The following SPAST variants were observed in gnomAD, a reference collection of about 807,000 sequenced individuals.
The protein encoded by SPAST is spastic paraplegia 4 (autosomal dominant; spastin).
SPAST carries 30 observed loss-of-function variants against 76.6 expected under a neutral mutation model. The observed-to-expected ratio is 0.39, with a 90% confidence interval of 0.29 to 0.53. The LOEUF is 0.53. Ranked by LOEUF, SPAST falls within the 20% of genes least tolerant of loss-of-function variation. The probability of loss-of-function intolerance (pLI) is 0.68; values close to 1 mark genes in which losing one functional copy is unlikely to be tolerated. For synonymous variants in SPAST, 305 were observed against 281.0 expected, an observed-to-expected ratio of 1.09 and a Z score of -0.86; for missense variants, 717 against 770.5, an observed-to-expected ratio of 0.93 and a Z score of 0.82.
At chr2:32,153,935 G>A (rs1293287389) in intron 16 of SPAST, among the ~76,000 whole-genome samples, 2 of 152,072 alleles carry the variant, frequency 1.3e-5, no homozygotes, top group African/African-American at 4.8e-5. Context: ...AAATTAGCTG[G>A]GCATGGAGGC....
At position 32,103,631 on chromosome 2, in the gene SPAST, A is replaced by G. The variant is rs138699954; in HGVS notation, c.682+4740A>G. ...TGCTATAAATTTCCCTCTACACACTACTTTAAATGTGTCCCAAAGATTCTG... is the reference window on the plus strand; with the variant it reads ...TGCTATAAATTTCCCTCTACACACTGCTTTAAATGTGTCCCAAAGATTCTG... On this transcript the variant is annotated intron_variant, in intron 4 of 16. Transcript: ENST00000315285. Among the ~76,000 whole-genome samples, 570 of 151,850 alleles carry G rather than the reference A, an allele frequency of 3.8e-3. 5 individuals are homozygous for G. Among genetic ancestry groups the G allele is most frequent in the African/African-American group, 0.014 (560 of 41,468 alleles).
chr2:32,119,564 T>C (rs1678949226), intron 7 of SPAST, among the ~76,000 whole-genome samples: 1 of 152,238 alleles, frequency 6.6e-6, no homozygotes, highest in Admixed American at 6.5e-5. Flanking sequence ...TAAATCTTGC[T>C]CATTCATGAA....
intron 1 of SPAST, among the ~76,000 whole-genome samples, chr2:32,069,205 T>C (rs1676648232): frequency 1.4e-5 from 2 of 143,402 alleles, no homozygotes; most frequent in Non-Finnish European, 3.0e-5. Context: ...AGAGCAAGAC[T>C]CCATCTCTCA....
chr2:32,149,900 C>T (rs1680018417), intron 16 of SPAST, among the ~76,000 whole-genome samples: 2 of 151,854 alleles, frequency 1.3e-5, no homozygotes, highest in Non-Finnish European at 2.9e-5. Flanking sequence ...TTTTATTTCC[C>T]TAATTGCAGC....
intron 1 of SPAST, among the ~76,000 whole-genome samples, chr2:32,075,896 C>CTTT (rs1209272322): frequency 5.7e-3 from 462 of 81,648 alleles, no homozygotes; most frequent in African/African-American, 8.5e-3. Context: ...TCAAAATGCT[C>CTTT]TTTTTTTTTT....
intron 1 of SPAST, among the ~76,000 whole-genome samples, chr2:32,065,197 T>G (rs771322969): frequency 5.9e-5 from 9 of 152,016 alleles, no homozygotes; most frequent in Non-Finnish European, 1.2e-4. Flanking sequence ...TTTTTGTATT[T>G]TTAGTAGAGT....
intron 1 of SPAST, among the ~76,000 whole-genome samples, chr2:32,082,979 A>T (rs1033705819): frequency 2.0e-5 from 3 of 149,286 alleles, no homozygotes; most frequent in South Asian, 2.1e-4. Context: ...TAATTAATTA[A>T]TTTTTTTTTT....
intron 7 of SPAST, among the ~76,000 whole-genome samples, chr2:32,124,715 A>G (rs1339180899): frequency 6.6e-6 from 1 of 152,230 alleles, no homozygotes; most frequent in Non-Finnish European, 1.5e-5. Flanking sequence ...CAGCAATAAA[A>G]AGAAATGATC....
chr2:32,128,985 G>A (rs1679285737), intron 9 of SPAST: 1 of 170,880 alleles, frequency 5.9e-6, no homozygotes, highest in Non-Finnish European at 1.3e-5. Context: ...CCACCCTAAT[G>A]ATCTCAATTT....
At chr2:32,145,029 A>C in intron 15 of SPAST, 22 bp downstream of exon 15, 1 of 1,553,306 alleles carries the variant, frequency 6.4e-7, no homozygotes, top group Non-Finnish European at 8.9e-7. Flanking sequence ...AGAGCTTAAA[A>C]CATTTAGAAC....
Position 32,115,796 on chromosome 2 carries a change from G to A in SPAST, c.965G>A (p.Ser322Asn), listed in dbSNP as rs200329686. ...TTGAAGAATTTTAGGAATGTGGACA[G>A]CAACCTTGCTAACCTTATAATGAAT... ...KDLKNFRNVD[S>N]NLANLIMNEI... Residue 322 changes from serine (S) to asparagine (N), a missense_variant, in exon 6 of 17, where the codon AGC becomes AAC. By Grantham distance (46) the Ser-to-Asn change is conservative. Around this residue, in one of 3 missense-constraint regions of SPAST, gnomAD observed 543 missense variants for 445.2 expected, o/e 1.22. Coordinates refer to ENST00000315285, the MANE Select transcript of SPAST (RefSeq NM_014946.4). 5.2e-5 allele frequency: 84 copies of A among 1,611,670 alleles called. No individual in the cohort carries two copies. Among genetic ancestry groups the A allele is most frequent in the Non-Finnish European group, 1.4e-5 (17 of 1,178,292 alleles).
At chr2:32,141,666 CA>C (rs1474577537) in intron 12 of SPAST, among the ~76,000 whole-genome samples, 1 of 152,180 alleles carries the variant, frequency 6.6e-6, no homozygotes, top group Non-Finnish European at 1.5e-5. Flanking sequence ...TGTTTTAAAG[CA>C]TTACTGCTAT....
intron 9 of SPAST, among the ~76,000 whole-genome samples, chr2:32,135,965 C>G (rs2148753030): frequency 6.6e-6 from 1 of 151,764 alleles, no homozygotes; most frequent in South Asian, 2.1e-4. Context: ...GTAATCCCAG[C>G]TACCTGGGAT....
intron 16 of SPAST, among the ~76,000 whole-genome samples, chr2:32,151,742 T>A (rs1432801173): frequency 6.6e-6 from 1 of 151,966 alleles, no homozygotes; most frequent in Non-Finnish European, 1.5e-5. Context: ...AAACCCCGTC[T>A]CCACTAAAAA....
At chr2:32,152,643 C>T (rs1680126095) in intron 16 of SPAST, among the ~76,000 whole-genome samples, 1 of 152,062 alleles carries the variant, frequency 6.6e-6, no homozygotes, top group Non-Finnish European at 1.5e-5. Flanking sequence ...TTCTTCTACA[C>T]TTTGGCCTTT....
intron 1 of SPAST, chr2:32,078,048 TG>T (rs1299708923): frequency 6.6e-6 from 1 of 152,006 alleles, no homozygotes; most frequent in Non-Finnish European, 1.5e-5. Flanking sequence ...TGGAGTGCAG[TG>T]GCGGGATCTC....
chr2:32,131,671 C>CTT lies in SPAST; in HGVS notation c.1245+3212_1245+3213dup, dbSNP rs541036416. ...TTAAAAATATTACAGCAACCATTCT[C>CTT]TTTTTTTTTTTTTTTTTTTTTGAGA... is the stretch of plus-strand genomic sequence containing the variant. On this transcript the variant is annotated intron_variant, in intron 9 of 16. Coordinates refer to ENST00000315285, the MANE Select transcript of SPAST (RefSeq NM_014946.4). 9.5e-3 allele frequency among the ~76,000 whole-genome samples: 1,021 copies of CTT among 107,934 alleles called. 26 individuals carry two copies. Among genetic ancestry groups the CTT allele is most frequent in the East Asian group, 0.087 (325 of 3,728 alleles). 70.8% of individuals were successfully genotyped at this position (107,934 alleles called of 152,430 possible). A position where few individuals can be genotyped will look rare whatever the true frequency, so the allele number is the denominator to read the frequency against.
intron 3 of SPAST, among the ~76,000 whole-genome samples, chr2:32,095,350 G>C (rs954153037): frequency 6.6e-6 from 1 of 152,152 alleles, no homozygotes; most frequent in Non-Finnish European, 1.5e-5. Flanking sequence ...AAGCTTTCTT[G>C]TGTGACAAAG....
chr2:32,145,899 A>G (rs1352969342), intron 15 of SPAST, among the ~76,000 whole-genome samples: 6 of 152,344 alleles, frequency 3.9e-5, no homozygotes, highest in East Asian at 1.9e-4. Flanking sequence ...CTCTCATTCA[A>G]GAAAGTACAA....
Sources: gnomAD v4.1 joint callset for allele counts (sites outside exome capture counted in the v4.1 genomes callset) on GRCh38, gnomAD v4.1.1 for gene constraint, gnomAD v4.1.1 regional missense constraint, MANE v1.5 for transcripts, NCBI Gene and HGNC (gene_info 2026-07-23, HGNC 2026-07-21) for gene names.